The following NSUN3 variants were observed in gnomAD, a reference collection of about 807,000 sequenced individuals.
NSUN3 encodes the protein NOP2/Sun RNA methyltransferase 3.
A neutral mutation model predicts 36.8 loss-of-function variants in NSUN3; 24 were observed. That is an observed-to-expected ratio of 0.65 (90% CI 0.47 to 0.92). The LOEUF (loss-of-function observed/expected upper bound fraction) is 0.92. NSUN3 is among the 40% of genes least tolerant of loss of function. NSUN3 has a pLI of 0.00. For missense variants in NSUN3, 381 were observed against 392.8 expected (o/e 0.97, Z 0.25); for synonymous variants, 146 against 145.2 (o/e 1.01, Z -0.04).
intron 5 of NSUN3, among the ~76,000 whole-genome samples, chr3:94,103,542 AATTTAT>A (rs1211235391): frequency 2.0e-5 from 3 of 151,744 alleles, no homozygotes; most frequent in African/African-American, 7.2e-5. Flanking sequence ...TATGTAGAGT[AATTTAT>A]ATATATATAC....
At chr3:94,093,618 C>T (rs1236235099) in intron 3 of NSUN3, among the ~76,000 whole-genome samples, 1 of 152,176 alleles carries the variant, frequency 6.6e-6, no homozygotes, top group Non-Finnish European at 1.5e-5. Flanking sequence ...GGGCATGTCC[C>T]TGTGGAGACA....
At chr3:94,093,706 G>A (rs367904552) in intron 3 of NSUN3, among the ~76,000 whole-genome samples, 52 of 152,184 alleles carry the variant, frequency 3.4e-4, no homozygotes, top group African/African-American at 1.1e-3. Context: ...CAGTTCCTGC[G>A]TCTGCCGCAA....
At chr3:94,078,209 T>C (rs1269397898) in intron 2 of NSUN3, among the ~76,000 whole-genome samples, 1 of 152,218 alleles carries the variant, frequency 6.6e-6, no homozygotes, top group African/African-American at 2.4e-5. Context: ...CCAGTAGTCA[T>C]TCAGGAGCAG....
At chr3:94,097,867 A>G (rs964883620) in intron 5 of NSUN3, among the ~76,000 whole-genome samples, 19 of 152,110 alleles carry the variant, frequency 1.2e-4, no homozygotes, top group Non-Finnish European at 2.2e-4. Context: ...CCTTTTCTCT[A>G]TCTGATGGCT....
At chr3:94,114,664 C>T (rs921727) in intron 5 of NSUN3, among the ~76,000 whole-genome samples, 4 of 152,078 alleles carry the variant, frequency 2.6e-5, no homozygotes, top group African/African-American at 9.6e-5. Context: ...GTTTGTTACA[C>T]GGATGTGTTG....
chr3:94,129,238 A>T lies in NSUN3; in HGVS notation c.*2748A>T, dbSNP rs1173849670. On this transcript the variant is annotated 3_prime_UTR_variant, in exon 6 of 6. Coordinates refer to ENST00000314622, the MANE Select transcript of NSUN3 (RefSeq NM_022072.5). Reference sequence around the variant, plus strand: ...CACAGTAATATTTACAATAGTAAAGATACGGAATCAACCTAACCGCCCATC... The same window carrying T: ...CACAGTAATATTTACAATAGTAAAGTTACGGAATCAACCTAACCGCCCATC... 1.3e-5 allele frequency among the ~76,000 whole-genome samples: 2 copies of T among 152,254 alleles called. No homozygotes were observed. Among genetic ancestry groups the T allele is most frequent in the Admixed American group, 1.3e-4 (2 of 15,290 alleles).
chr3:94,100,515 A>G (rs2077360744), intron 5 of NSUN3, among the ~76,000 whole-genome samples: 1 of 152,178 alleles, frequency 6.6e-6, no homozygotes, highest in African/African-American at 2.4e-5. Context: ...ATCAAAGTCT[A>G]ACTCTCGGTT....
chr3:94,063,094 T>A lies in NSUN3; in HGVS notation c.-33T>A. On this transcript the variant is annotated 5_prime_UTR_variant, in exon 1 of 6. Transcript: ENST00000314622. ...GGAGGCTTTTTGATACTGATTCGCG[T>A]ACACCTGTTGTTTGAAAGCTCTCAG... 1 of 1,613,998 alleles carries A rather than the reference T, an allele frequency of 6.2e-7. No homozygotes were observed. Among genetic ancestry groups the A allele is most frequent in the Non-Finnish European group, 8.5e-7 (1 of 1,179,908 alleles).
At chr3:94,081,660 C>T (rs2107244933) in intron 2 of NSUN3, 1 of 152,240 alleles carries the variant, frequency 6.6e-6, no homozygotes, top group East Asian at 1.9e-4. Context: ...TATACAAAAG[C>T]TAATGTTGTT....
chr3:94,117,931 A>G (rs531323576), intron 5 of NSUN3, among the ~76,000 whole-genome samples: 2 of 152,318 alleles, frequency 1.3e-5, no homozygotes, highest in East Asian at 1.9e-4. Flanking sequence ...TTATGTCGCA[A>G]TTCTGCTTCC....
At chr3:94,093,596 A>G (rs991538802) in intron 3 of NSUN3, among the ~76,000 whole-genome samples, 1 of 151,484 alleles carries the variant, frequency 6.6e-6, no homozygotes, top group Non-Finnish European at 1.5e-5. Context: ...GAGTGCAGTG[A>G]TTCTTATAAC....
chr3:94,104,292 T>C (rs372114290), intron 5 of NSUN3, among the ~76,000 whole-genome samples: 1 of 152,214 alleles, frequency 6.6e-6, no homozygotes. Flanking sequence ...TCCCAGACCT[T>C]TCTCTGCTTC....
intron 2 of NSUN3, among the ~76,000 whole-genome samples, chr3:94,078,508 C>T (rs949563491): frequency 3.3e-5 from 5 of 152,228 alleles, no homozygotes; most frequent in African/African-American, 4.8e-5. Context: ...TTTTCTGTCT[C>T]ATTGATCTGT....
At chr3:94,064,753 G>A (rs548445184) in intron 2 of NSUN3, among the ~76,000 whole-genome samples, 1 of 152,220 alleles carries the variant, frequency 6.6e-6, no homozygotes, top group African/African-American at 2.4e-5. Flanking sequence ...TTGTCGGGAT[G>A]GTAAGCACAA....
At chr3:94,118,795 TGTCTTTTTATGTG>T (rs573158145) in intron 5 of NSUN3, among the ~76,000 whole-genome samples, 86 of 152,282 alleles carry the variant, frequency 5.6e-4, no homozygotes, top group African/African-American at 1.9e-3. Flanking sequence ...AATCCTGACT[TGTCTTTTTATGTG>T]GTCAGTACCA....
Position 94,131,312 on chromosome 3 carries a change from G to A in NSUN3, c.*4822G>A, listed in dbSNP as rs1008120073. ...TTTTACTTAATATTTCATAGTTAAA[G>A]GGTAGAGCCGCGATCAAAACTGGCT... On this transcript the variant is annotated 3_prime_UTR_variant, in exon 6 of 6. Transcript: ENST00000314622. Among the ~76,000 whole-genome samples the A allele has an allele frequency of 6.6e-6, 1 of 152,094 alleles. No homozygotes were observed. Among genetic ancestry groups the A allele is most frequent in the Admixed American group, 6.6e-5 (1 of 15,262 alleles).
chr3:94,082,877 C>T (rs2077275724), intron 2 of NSUN3, among the ~76,000 whole-genome samples: 2 of 152,116 alleles, frequency 1.3e-5, no homozygotes, highest in Non-Finnish European at 2.9e-5. Flanking sequence ...CCACTCATCG[C>T]CTCATTAACT....
In NSUN3 at chr3:94,127,171, C is replaced by G. The variant is rs1426307166; in HGVS notation, c.*681C>G. 1 of 152,096 alleles carries G rather than the reference C, an allele frequency of 6.6e-6. No homozygotes were observed. Among genetic ancestry groups the G allele is most frequent in the Non-Finnish European group, 1.5e-5 (1 of 68,030 alleles). 9.4% of individuals were successfully genotyped at this position (152,096 alleles called of 1,614,324 possible). A position where few individuals can be genotyped will look rare whatever the true frequency, so the allele number is the denominator to read the frequency against. Reference sequence around the variant, plus strand: ...GCCTTTAGAACAGCAGATTCACATGCACATGTTTGACTTTCGACATTCAGC... The same window carrying G: ...GCCTTTAGAACAGCAGATTCACATGGACATGTTTGACTTTCGACATTCAGC... On this transcript the variant is annotated 3_prime_UTR_variant, in exon 6 of 6. Coordinates refer to ENST00000314622, the MANE Select transcript of NSUN3 (RefSeq NM_022072.5).
Position 94,076,761 on chromosome 3 carries a change from A to C in NSUN3, c.123-7346A>C, listed in dbSNP as rs1450026808. 1.8e-5 allele frequency: 27 copies of C among 1,496,820 alleles called. No homozygotes were observed. The East Asian group carries it at 6.1e-4, about 34-fold the overall frequency. 92.7% of individuals were successfully genotyped at this position (1,496,820 alleles called of 1,614,324 possible). On this transcript the variant is annotated intron_variant, in intron 2 of 5. Coordinates refer to ENST00000314622, the MANE Select transcript of NSUN3 (RefSeq NM_022072.5). Reference sequence around the variant, plus strand: ...GAAGGAGTCTTTGTTGTGATAATACAAGGATTCTGGGGCATATAACGGGCC... The same window carrying C: ...GAAGGAGTCTTTGTTGTGATAATACCAGGATTCTGGGGCATATAACGGGCC...
Sources: gnomAD v4.1 joint callset for allele counts (sites outside exome capture counted in the v4.1 genomes callset) on GRCh38, gnomAD v4.1.1 for gene constraint, MANE v1.5 for transcripts, NCBI Gene and HGNC (gene_info 2026-07-23, HGNC 2026-07-21) for gene names.